Variants in SLC52A3 observed in about 807,000 individuals in gnomAD.
SLC52A3 encodes solute carrier family 52 member 3.
A neutral mutation model predicts 29.5 loss-of-function variants in SLC52A3; 20 were observed. The observed-to-expected ratio is 0.68, with a 90% CI of 0.48 to 0.99. The LOEUF is 0.99. Ranked by LOEUF, SLC52A3 falls within the 50% of genes least tolerant of loss-of-function variation. The pLI, the probability that SLC52A3 is intolerant of heterozygous loss-of-function variation, is 0.00. For missense variants in SLC52A3, 548 were observed against 612.9 expected (o/e 0.89, Z 1.12); for synonymous variants, 301 against 271.0 (o/e 1.11, Z -1.09).
upstream of SLC52A3, among the ~76,000 whole-genome samples, chr20:771,980 T>C (rs1448755806): frequency 4.6e-5 from 7 of 152,186 alleles, no homozygotes; most frequent in East Asian, 1.3e-3. Flanking sequence ...CAATAAATGA[T>C]ATACCTAGTA....
rs1174599606 is a variant in SLC52A3 at position 765,212 on chromosome 20, G to A, written c.563C>T (p.Ala188Val). The A allele has an allele frequency of 6.2e-7, 1 of 1,614,166 alleles. No homozygotes were observed. The highest frequency in any genetic ancestry group is 1.7e-5 in the Admixed American group (1 of 60,014). ...GCTCCGGGTGATGCTGGGTACCTGT[G>A]CGATGTCAGTCTCCCTCGTGGGTAC... is the stretch of plus-strand genomic sequence containing the variant. ...SPVPTRETDI[A>V]QGVPRALVSA... Residue 188 changes from alanine to valine, a missense_variant, in exon 2 of 5, where the codon GCA becomes GTA. Around this residue, in one of 2 missense-constraint regions of SLC52A3, gnomAD observed 375 missense variants for 471.1 expected, o/e 0.80. Transcript: ENST00000645534. This position sits in a 1 kb window ranked among gnomAD's most constrained non-coding sequence, Gnocchi z 6.6.
At chr20:778,641 G>A (rs1987132849), upstream of SLC52A3, among the ~76,000 whole-genome samples, 2 of 152,058 alleles carry the variant, frequency 1.3e-5, no homozygotes, top group African/African-American at 4.8e-5. Flanking sequence ...AAAAAAAATT[G>A]CAGGACTCTA....
Position 763,868 on chromosome 20 carries a change from G to A in SLC52A3, c.703C>T (p.Leu235Phe), listed in dbSNP as rs773703686. 6.2e-7 allele frequency: 1 copy of A among 1,614,186 alleles called. No individual in the cohort carries two copies. Among genetic ancestry groups the A allele is most frequent in the South Asian group, 1.1e-5 (1 of 91,080 alleles). The change falls in exon 3 of 5, where the codon CTC becomes TTC. Residue 235 changes from leucine to phenylalanine, a missense_variant. Around this residue, in one of 2 missense-constraint regions of SLC52A3, gnomAD observed 375 missense variants for 471.1 expected, o/e 0.80. Transcript: ENST00000645534. ...LLLSIMMACCLVAFFVLQRQP... is the reference protein window; with the variant it reads ...LLLSIMMACCFVAFFVLQRQP... ...CGCTGGAGGACAAAGAACGCCACGA[G>A]GCAGCAGGCCATCATGATGGATAGG...
chr20:776,377 G>A (rs571287875), upstream of SLC52A3, among the ~76,000 whole-genome samples: 19 of 152,298 alleles, frequency 1.2e-4, no homozygotes, highest in African/African-American at 4.6e-4. Context: ...CCTCTTCATA[G>A]GACAGAAATC....
chr20:764,539 G>GGGAGAAACCCCCACCT (rs1555783842), intron 2 of SLC52A3, among the ~76,000 whole-genome samples: 1 of 152,134 alleles, frequency 6.6e-6, no homozygotes. Context: ...CCCACCTAAG[G>GGGAGAAACCCCCACCT]AAGAACACTG....
chr20:772,923 G>A (rs1013832506), upstream of SLC52A3, among the ~76,000 whole-genome samples: 8 of 152,122 alleles, frequency 5.3e-5, no homozygotes, highest in East Asian at 1.4e-3. Flanking sequence ...CCTGGGGTGC[G>A]GCCACACCTG....
chr20:772,630 A>G (rs763896806), upstream of SLC52A3, among the ~76,000 whole-genome samples: 9 of 151,308 alleles, frequency 5.9e-5, no homozygotes, highest in South Asian at 6.2e-4. Flanking sequence ...TTTATTTTAC[A>G]GTGACCTTGC....
upstream of SLC52A3, among the ~76,000 whole-genome samples, chr20:776,864 G>A (rs943845614): frequency 4.6e-5 from 7 of 151,644 alleles, no homozygotes; most frequent in Admixed American, 2.0e-4. Flanking sequence ...TTTGGGGGGG[G>A]GGCCACAGGA....
Position 765,188 on chromosome 20 carries a change from C to T in SLC52A3, c.567+20G>A. The stretch of plus-strand genomic sequence containing the variant: ...GTGATAAAGCCAAGTGCTGAGATGG[C>T]TCCGGGTGATGCTGGGTACCTGTGC... On this transcript the variant is annotated intron_variant, in intron 2 of 4. Transcript: ENST00000645534. The surrounding 1 kb of genome is among the most constrained non-coding windows in gnomAD (Gnocchi z 6.6). The T allele has an allele frequency of 1.9e-6, 3 of 1,614,076 alleles. No individual in the cohort carries two copies. Among genetic ancestry groups the T allele is most frequent in the Non-Finnish European group, 2.5e-6 (3 of 1,179,968 alleles).
At position 761,131 on chromosome 20, in the gene SLC52A3, C is replaced by A. The variant is rs916884530; in HGVS notation, c.1305G>T (p.Ala435=). The change falls in exon 5 of 5, where the codon GCG becomes GCT. Residue 435 remains alanine, a synonymous_variant. Coordinates refer to ENST00000645534, the MANE Select transcript of SLC52A3 (RefSeq NM_033409.4). ...CTCCGAGCAGCGAGCCCAGCTGCAC[C>A]GCCGCCCCGCACCACAAGAGGGCGC... ...SRSALLWCGA[A]VQLGSLLGAL... is the part of the protein sequence containing the mutation. The A allele has an allele frequency of 1.3e-6, 2 of 1,594,016 alleles. No individual in the cohort carries two copies. The highest frequency in any genetic ancestry group is 1.7e-6 in the Non-Finnish European group (2 of 1,171,554).
At position 761,754 on chromosome 20, in the gene SLC52A3, C is replaced by A. The variant is rs1335219464; in HGVS notation, c.1144G>T (p.Val382Leu). 1 of 1,614,186 alleles carries A rather than the reference C, an allele frequency of 6.2e-7. No homozygotes were observed. The highest frequency in any genetic ancestry group is 1.3e-5 in the African/African-American group (1 of 75,060). ...CFGGYNMAMA[V>L]MSPCPLLQGH... ...TGCAAGAGGGGGCAGGGGCTCATCACCGCCATGGCCATGTTGTAGCCCCCA... is the reference window on the plus strand; with the variant it reads ...TGCAAGAGGGGGCAGGGGCTCATCAACGCCATGGCCATGTTGTAGCCCCCA... The change falls in exon 4 of 5, where the codon GTG (valine) becomes TTG (leucine). Residue 382 changes from valine to leucine, a missense_variant. Coordinates refer to ENST00000645534, the MANE Select transcript of SLC52A3 (RefSeq NM_033409.4).
At chr20:772,599 T>TTG (rs1555784626), upstream of SLC52A3, among the ~76,000 whole-genome samples, 120 of 150,846 alleles carry the variant, frequency 8.0e-4, no homozygotes, top group African/African-American at 2.5e-3. Context: ...TTTTTTTTTT[T>TTG]TTGTTGTTGT....
chr20:761,345 G>A, intron 4 of SLC52A3, 107 bp from the exon 5 acceptor site: 4 of 1,252,762 alleles, frequency 3.2e-6, no homozygotes, highest in Non-Finnish European at 3.2e-6. Context: ...TACTCTCTAG[G>A]TGCGAGGAGC....
chr20:761,786 G>A lies in SLC52A3; in HGVS notation c.1112C>T (p.Thr371Ile). 1 of 1,614,216 alleles carries A rather than the reference G, an allele frequency of 6.2e-7. No individual in the cohort carries two copies. ...GGCCATGTTGTAGCCCCCAAAGCAG[G>A]TCCCAAGCACGGAGAGGACCCCCAG... is the stretch of plus-strand genomic sequence containing the variant. ...LFLGVLSVLGTCFGGYNMAMA... is the reference protein window; with the variant it reads ...LFLGVLSVLGICFGGYNMAMA... The change falls in exon 4 of 5, where the codon ACC becomes ATC. Residue 371 changes from threonine (T) to isoleucine (I), a missense_variant. Thr to Ile is a moderately conservative substitution (Grantham distance 89). Transcript: ENST00000645534.
intron 3 of SLC52A3, 143 bp from the exon 4 acceptor site, chr20:761,967 G>A: frequency 8.0e-7 from 1 of 1,254,314 alleles, no homozygotes. Flanking sequence ...GGCTCAAGTG[G>A]GTCAGGGAGG....
At chr20:761,448 G>A in intron 4 of SLC52A3, 1 of 745,414 alleles carries the variant, frequency 1.3e-6, no homozygotes, top group Non-Finnish European at 2.1e-6. Context: ...GGGTTCACGT[G>A]CCCATGATCA....
chr20:774,634 GA>G (rs879642251), intron 1 of SLC52A3, among the ~76,000 whole-genome samples: 3 of 152,210 alleles, frequency 2.0e-5, no homozygotes, highest in Non-Finnish European at 2.9e-5. Flanking sequence ...GGGAGGCAGG[GA>G]GGTGCCAGGA....
Position 761,081 on chromosome 20 carries a change from T to C in SLC52A3, c.1355A>G (p.Asn452Ser). 2 of 1,610,090 alleles carry C rather than the reference T, an allele frequency of 1.2e-6. No individual in the cohort carries two copies. Among genetic ancestry groups the C allele is most frequent in the South Asian group, 1.1e-5 (1 of 90,494 alleles). Residue 452 changes from asparagine (N) to serine (S), a missense_variant, in exon 5 of 5, where the codon AAC (asparagine) becomes AGC (serine). This residue lies in a region of SLC52A3 where 173 missense variants were observed against 141.8 expected (regional missense o/e 1.22). Coordinates refer to ENST00000645534, the MANE Select transcript of SLC52A3 (RefSeq NM_033409.4). ...CGCGGACGAGAAGAGCCGCAGCACG[T>C]TGACCAGAGGGAACATGAGCAGCGC... ...LGALLMFPLV[N>S]VLRLFSSADF...
upstream of SLC52A3, chr20:776,163 C>T (rs1170017276): frequency 6.6e-6 from 1 of 152,248 alleles, no homozygotes; most frequent in Non-Finnish European, 1.5e-5. Flanking sequence ...TAATAAAGGG[C>T]TTGCTTTATT....
Sources: gnomAD v4.1 joint callset for allele counts (sites outside exome capture counted in the v4.1 genomes callset) on GRCh38, gnomAD v4.1.1 for gene constraint, gnomAD v4.1.1 regional missense constraint, Gnocchi (gnomAD v3.1) non-coding constraint, MANE v1.5 for transcripts, NCBI Gene and HGNC (gene_info 2026-07-23, HGNC 2026-07-21) for gene names.